Variants in CHAF1A observed in about 807,000 individuals in gnomAD.
CHAF1A encodes CAF-1 subunit A.
Under a neutral mutation model 93.2 loss-of-function variants are expected in CHAF1A, and 5 were observed. That is an observed-to-expected ratio of 0.05 (90% CI 0.03 to 0.11). CHAF1A has a LOEUF of 0.11. CHAF1A is among the 10% of genes least tolerant of loss of function. CHAF1A has a pLI of 1.00. For synonymous variants in CHAF1A, 504 were observed against 510.3 expected, an observed-to-expected ratio of 0.99 and a Z score of 0.17; for missense variants, 1,102 against 1,259.9, an observed-to-expected ratio of 0.87 and a Z score of 1.90.
At chr19:4,447,485 C>A (rs534358767), downstream of CHAF1A, 2 of 1,579,280 alleles carry the variant, frequency 1.3e-6, no homozygotes, top group African/African-American at 2.7e-5. Context: ...GGGCCACCAC[C>A]GGCTCCTGCA....
chr19:4,446,651 T>C (rs1199999286), downstream of CHAF1A: 6 of 1,612,336 alleles, frequency 3.7e-6, no homozygotes, highest in South Asian at 1.1e-5. Flanking sequence ...AGCTGTTCCT[T>C]GTGCCTCTCC....
chr19:4,447,434 C>T, downstream of CHAF1A: 1 of 1,140,834 alleles, frequency 8.8e-7, no homozygotes, highest in South Asian at 1.3e-5. Context: ...GCTTGTGGCT[C>T]AACTCTCGCT....
chr19:4,421,337 G>C (rs1199960252), intron 4 of CHAF1A, among the ~76,000 whole-genome samples: 2 of 152,050 alleles, frequency 1.3e-5, no homozygotes, highest in African/African-American at 2.4e-5. Flanking sequence ...GCCTCCCAAA[G>C]TGCTGGGATT....
rs527458345 is a variant in CHAF1A at position 4,429,567 on chromosome 19, G to C, written c.1734G>C (p.Thr578=). 1 of 1,614,072 alleles carries C rather than the reference G, an allele frequency of 6.2e-7. No individual in the cohort carries two copies. Among genetic ancestry groups the C allele is most frequent in the Admixed American group, 1.7e-5 (1 of 59,998 alleles). The change falls in exon 9 of 15, where the codon ACG becomes ACC. Residue 578 remains threonine (T), a synonymous_variant. Transcript: ENST00000301280. The part of the protein sequence containing the change: ...PAYWGTWNKK[T]ALIRARDPWA... The stretch of plus-strand genomic sequence containing the variant: ...ACTGGGGTACCTGGAATAAGAAGAC[G>C]GCACTCATCCGCGCGCGAGACCCCT...
downstream of CHAF1A, chr19:4,446,178 C>T (rs532236289): frequency 1.7e-5 from 27 of 1,607,874 alleles, no homozygotes; most frequent in South Asian, 2.3e-4. Flanking sequence ...CCCCCAGCCG[C>T]TCCCGAGCGT....
At chr19:4,447,351 T>A, downstream of CHAF1A, 1 of 604,638 alleles carries the variant, frequency 1.7e-6, no homozygotes. Context: ...ATTTGTTGAT[T>A]TGGGGTGACC....
downstream of CHAF1A, chr19:4,448,092 CCT>C (rs576574588): frequency 2.6e-4 from 154 of 585,616 alleles, 1 homozygote; most frequent in East Asian, 3.4e-3. Flanking sequence ...GTGGGAAACC[CCT>C]GATTCCTTCA....
intron 13 of CHAF1A, 68 bp from the exon 14 acceptor site, chr19:4,442,177 C>T (rs200910819): frequency 2.1e-4 from 284 of 1,331,442 alleles, no homozygotes; most frequent in African/African-American, 1.4e-4. Context: ...GAGTTCCCCC[C>T]GCTACCGCAC....
intron 2 of CHAF1A, among the ~76,000 whole-genome samples, chr19:4,406,598 C>A (rs1003057597): frequency 6.6e-6 from 1 of 152,080 alleles, no homozygotes; most frequent in South Asian, 2.1e-4. Context: ...CCACACCCAG[C>A]TAATTTTTCT....
rs113329302 is a variant in CHAF1A at position 4,437,228 on chromosome 19, G to A, written c.2673+3689G>A. The stretch of plus-strand genomic sequence containing the variant: ...ACCTCCTGCAGTTTGGGACATAAAC[G>A]TCCCTGGGGAGCAGGGTCTGGTCCT... On this transcript the variant is annotated intron_variant, in intron 13 of 14. Transcript: ENST00000301280. 2.0e-3 allele frequency among the ~76,000 whole-genome samples: 307 copies of A among 152,268 alleles called. 1 individual carries two copies. Among genetic ancestry groups the A allele is most frequent in the African/African-American group, 7.1e-3 (296 of 41,544 alleles).
chr19:4,415,510 G>A lies in CHAF1A; in HGVS notation c.961-2510G>A, dbSNP rs559788533. On this transcript the variant is annotated intron_variant, in intron 3 of 14. Transcript: ENST00000301280. ...ATCTCTGAACACAAAGGGCAGCCCC[G>A]GAGAGCTGCGGCTCCCATATTCTGC... Among the ~76,000 whole-genome samples the A allele has an allele frequency of 3.8e-3, 573 of 152,314 alleles. 5 individuals carry two copies. Among genetic ancestry groups the A allele is most frequent in the African/African-American group, 0.013 (531 of 41,564 alleles).
At chr19:4,448,570 C>G (rs925966634), downstream of CHAF1A, 1 of 662,712 alleles carries the variant, frequency 1.5e-6, no homozygotes, top group Non-Finnish European at 2.6e-6. Flanking sequence ...GAGAGACCCT[C>G]CAAGACCGCA....
At position 4,409,634 on chromosome 19, in the gene CHAF1A, G is replaced by C. The variant is rs188543074; in HGVS notation, c.835G>C (p.Asp279His). Residue 279 changes from aspartate to histidine, a missense_variant, in exon 3 of 15, where the codon GAC becomes CAC. Around this residue, in one of 6 missense-constraint regions of CHAF1A, gnomAD observed 379 missense variants for 365.7 expected, o/e 1.04. Transcript: ENST00000301280. Reference protein sequence around the residue: ...SEVLESFPEEDSVLSHSSLSS... With the variant: ...SEVLESFPEEHSVLSHSSLSS... ...GGTGCTGGAATCTTTCCCCGAAGAA[G>C]ACTCTGTACTCAGCCATTCGTCCCT... The C allele has an allele frequency of 5.0e-6, 8 of 1,614,148 alleles. No homozygotes were observed. In the Admixed American group the frequency reaches 1.3e-4, roughly 27 times the overall value.
At chr19:4,448,369 G>T (rs756042421), downstream of CHAF1A, 3 of 1,610,528 alleles carry the variant, frequency 1.9e-6, no homozygotes, top group Non-Finnish European at 2.5e-6. Context: ...TTTGTTGAAC[G>T]TGTAGATCTT....
intron 13 of CHAF1A, among the ~76,000 whole-genome samples, chr19:4,435,614 C>T (rs374244812): frequency 3.3e-5 from 5 of 152,266 alleles, no homozygotes; most frequent in African/African-American, 1.2e-4. Context: ...AAGCAATCCC[C>T]CTGCCTTTGC....
intron 14 of CHAF1A, 30 bp downstream of exon 14, chr19:4,442,371 C>G: frequency 6.5e-7 from 1 of 1,530,622 alleles, no homozygotes. Context: ...GCAGAACGCA[C>G]TGGTGAGGTG....
At position 4,420,780 on chromosome 19, in the gene CHAF1A, AAG is replaced by A. The variant is rs549158636; in HGVS notation, c.1018-1784_1018-1783del. Among the ~76,000 whole-genome samples, 43 of 152,248 alleles carry A rather than the reference AAG, an allele frequency of 2.8e-4. No homozygotes were observed. The South Asian group carries it at 8.1e-3, about 29-fold the overall frequency. ...ACGTAGTGTCTCTACTAAAAAGAAA[AAG>A]AATTCCTGGGCTGGTTGCAATGGGT... On this transcript the variant is annotated intron_variant, in intron 4 of 14. Coordinates refer to ENST00000301280, the MANE Select transcript of CHAF1A (RefSeq NM_005483.3).
intron 3 of CHAF1A, among the ~76,000 whole-genome samples, chr19:4,411,781 G>C (rs1220358226): frequency 6.6e-6 from 1 of 151,372 alleles, no homozygotes; most frequent in Non-Finnish European, 1.5e-5. Context: ...TTGAGTAGCT[G>C]GGATTACAGG....
At chr19:4,418,884 G>A (rs1973942101) in intron 4 of CHAF1A, among the ~76,000 whole-genome samples, 1 of 151,890 alleles carries the variant, frequency 6.6e-6, no homozygotes, top group Admixed American at 6.6e-5. Flanking sequence ...TTGTCTTTGA[G>A]ACGGAGTCTT....
Sources: gnomAD v4.1 joint callset for allele counts (sites outside exome capture counted in the v4.1 genomes callset) on GRCh38, gnomAD v4.1.1 for gene constraint, gnomAD v4.1.1 regional missense constraint, MANE v1.5 for transcripts, NCBI Gene and HGNC (gene_info 2026-07-23, HGNC 2026-07-21) for gene names.